TENM3: variants seen among roughly 807,000 people sequenced by gnomAD.
TENM3 encodes the protein teneurin transmembrane protein 3.
In TENM3, 63 loss-of-function variants were observed where a neutral mutation model predicts 255.1. The ratio of observed to expected loss-of-function variants is 0.25; its 90% CI spans 0.20 to 0.30. TENM3 has a LOEUF of 0.30. Ranked by LOEUF, TENM3 falls within the 10% of genes least tolerant of loss-of-function variation. TENM3 has a pLI of 1.00. For missense variants in TENM3, 2,929 were observed against 3,461.1 expected, an observed-to-expected ratio of 0.85 and a Z score of 3.86; for synonymous variants, 1,306 against 1,322.3, an observed-to-expected ratio of 0.99 and a Z score of 0.27.
chr4:182,481,116 G>A (rs980611418), intron 3 of TENM3, among the ~76,000 whole-genome samples: 3 of 151,966 alleles, frequency 2.0e-5, no homozygotes, highest in Admixed American at 6.6e-5. Flanking sequence ...TTGTAACACA[G>A]ACTCTGAAAA....
rs1452165097 is a variant in TENM3, at chr4:182,175,310, A to AT, written c.-76+30556_-76+30557insT. On this transcript the variant is annotated intron_variant, in intron 1 of 2. Transcript: ENST00000512480. ...CCTCTGCTCTGCTTCATTAAAAAAA[A>AT]AAAAATATATATATATATATATATA... Among the ~76,000 whole-genome samples, 5 of 79,028 alleles carry AT rather than the reference A, an allele frequency of 6.3e-5. No homozygotes were observed. The Admixed American group carries it at 8.5e-4, about 14-fold the overall frequency. The allele number at this position is 79,028 out of a possible 152,430, so 51.8% of individuals were successfully genotyped here.
At chr4:182,635,991 A>G (rs1274260378) in intron 5 of TENM3, among the ~76,000 whole-genome samples, 1 of 152,200 alleles carries the variant, frequency 6.6e-6, no homozygotes, top group Non-Finnish European at 1.5e-5. Flanking sequence ...AATGTGTTTG[A>G]CATTCTTTTT....
intron 3 of TENM3, among the ~76,000 whole-genome samples, chr4:182,445,884 G>A (rs950691664): frequency 2.0e-5 from 3 of 152,270 alleles, no homozygotes; most frequent in Admixed American, 1.3e-4. Flanking sequence ...TATAGAAGGC[G>A]ATATCCATAA....
intron 2 of TENM3, among the ~76,000 whole-genome samples, chr4:182,339,308 T>A (rs1265244346): frequency 2.0e-5 from 3 of 152,218 alleles, no homozygotes; most frequent in African/African-American, 7.2e-5. Flanking sequence ...AGCGGCAGGA[T>A]TAAAGGATTT....
the TENM3 span, among the ~76,000 whole-genome samples, chr4:181,979,097 CATATATATATATATATATAT>C: frequency 0.016 from 482 of 30,386 alleles, 11 homozygotes; most frequent in African/African-American, 0.03. Flanking sequence ...TTAAGCCTGA[CATATATATATATATATATAT>C]ATATATATAT....
intron 12 of TENM3, among the ~76,000 whole-genome samples, chr4:182,691,751 A>G (rs770790383): frequency 5.9e-5 from 9 of 152,200 alleles, no homozygotes; most frequent in Non-Finnish European, 1.0e-4. Context: ...TGTGATTAAA[A>G]TAGATACTTC....
chr4:182,470,502 T>C (rs1393872107), intron 3 of TENM3, among the ~76,000 whole-genome samples: 1 of 152,124 alleles, frequency 6.6e-6, no homozygotes, highest in East Asian at 1.9e-4. Context: ...GACCATAGAA[T>C]AGGATGTATG....
chr4:181,779,460 G>T, the TENM3 span, among the ~76,000 whole-genome samples: 1 of 151,124 alleles, frequency 6.6e-6, no homozygotes, highest in African/African-American at 2.4e-5. Flanking sequence ...AACCACCCTG[G>T]GATGTATCTT....
the TENM3 span, among the ~76,000 whole-genome samples, chr4:181,950,469 A>C: frequency 2.0e-5 from 3 of 152,064 alleles, no homozygotes; most frequent in African/African-American, 7.2e-5. Context: ...AGTTTGCTCC[A>C]TTGCATATTA....
At chr4:182,342,193 C>T (rs1764528561) in intron 2 of TENM3, among the ~76,000 whole-genome samples, 1 of 152,146 alleles carries the variant, frequency 6.6e-6, no homozygotes. Context: ...CAGGAATGTT[C>T]CTGGAAGCAT....
At chr4:182,059,758 A>G in the TENM3 span, among the ~76,000 whole-genome samples, 152 of 123,488 alleles carry the variant, frequency 1.2e-3, 2 homozygotes, top group Middle Eastern at 3.7e-3. Flanking sequence ...AAAAAAAAAA[A>G]AAAAGAAAAA....
At chr4:181,608,976 G>A in the TENM3 span, among the ~76,000 whole-genome samples, 11 of 152,126 alleles carry the variant, frequency 7.2e-5, no homozygotes, top group Non-Finnish European at 1.3e-4. Flanking sequence ...CAAGCAACTC[G>A]GCAATTTTAC....
the TENM3 span, among the ~76,000 whole-genome samples, chr4:181,802,057 A>G: frequency 1.3e-5 from 2 of 152,178 alleles, no homozygotes; most frequent in Admixed American, 6.6e-5. Context: ...TGGTATGTAC[A>G]TGCTGATTTA....
chr4:182,326,047 C>T (rs1763379091), intron 2 of TENM3, among the ~76,000 whole-genome samples: 1 of 152,174 alleles, frequency 6.6e-6, no homozygotes, highest in Non-Finnish European at 1.5e-5. Context: ...ATTCCTCACT[C>T]CTTCCAAGCC....
intron 1 of TENM3, among the ~76,000 whole-genome samples, chr4:182,302,609 A>G (rs938958925): frequency 6.6e-6 from 1 of 152,212 alleles, no homozygotes; most frequent in Non-Finnish European, 1.5e-5. Context: ...TAATGATAAC[A>G]GAAGATATAA....
chr4:182,691,572 T>G (rs895803326), intron 12 of TENM3, among the ~76,000 whole-genome samples: 3 of 152,230 alleles, frequency 2.0e-5, no homozygotes, highest in Admixed American at 6.5e-5. Flanking sequence ...TTCTGATATT[T>G]TTATTAGAGT....
chr4:181,629,365 G>A, the TENM3 span, among the ~76,000 whole-genome samples: 84 of 152,142 alleles, frequency 5.5e-4, no homozygotes, highest in Non-Finnish European at 7.2e-4. Flanking sequence ...CAGAACTTCC[G>A]ACACTGTGTT....
At chr4:182,759,690 G>A (rs1430650478) in intron 22 of TENM3, among the ~76,000 whole-genome samples, 1 of 152,182 alleles carries the variant, frequency 6.6e-6, no homozygotes, top group African/African-American at 2.4e-5. Context: ...GGATATTATT[G>A]TATCTGGTAT....
chr4:181,628,769 A>AT, the TENM3 span, among the ~76,000 whole-genome samples: 42 of 152,170 alleles, frequency 2.8e-4, no homozygotes, highest in Non-Finnish European at 3.8e-4. Context: ...AGGTAGCGTG[A>AT]TGCCTCCATC....
Sources: gnomAD v4.1 joint callset for allele counts (sites outside exome capture counted in the v4.1 genomes callset) on GRCh38, gnomAD v4.1.1 for gene constraint, MANE v1.5 for transcripts, NCBI Gene and HGNC (gene_info 2026-07-23, HGNC 2026-07-21) for gene names.